SLC20A2: variants seen among roughly 807,000 people sequenced by gnomAD.
SLC20A2 encodes the protein sodium-dependent phosphate transporter 2.
SLC20A2 carries 30 observed loss-of-function variants against 61.0 expected under a neutral mutation model. The observed-to-expected ratio is 0.49, with a 90% CI of 0.37 to 0.67. The LOEUF (loss-of-function observed/expected upper bound fraction) is 0.67. Ranked by LOEUF, SLC20A2 falls within the 30% of genes least tolerant of loss-of-function variation. The pLI is 0.00. For synonymous variants in SLC20A2, 351 were observed against 353.3 expected, an observed-to-expected ratio of 0.99 and a Z score of 0.07; for missense variants, 626 against 866.4, an observed-to-expected ratio of 0.72 and a Z score of 3.48.
chr8:42,488,547 T>C (rs998926221), intron 1 of SLC20A2, among the ~76,000 whole-genome samples: 3 of 152,158 alleles, frequency 2.0e-5, no homozygotes, highest in African/African-American at 7.2e-5. Context: ...TTTCAGTCCT[T>C]TTGGATATAT....
intron 1 of SLC20A2, among the ~76,000 whole-genome samples, chr8:42,509,965 T>C (rs1446377978): frequency 6.6e-6 from 1 of 152,202 alleles, no homozygotes; most frequent in Non-Finnish European, 1.5e-5. Flanking sequence ...TGAGAAACTC[T>C]GAATGCAATA....
At chr8:42,495,844 G>C (rs762730378) in intron 1 of SLC20A2, among the ~76,000 whole-genome samples, 8 of 151,712 alleles carry the variant, frequency 5.3e-5, no homozygotes, top group African/African-American at 9.7e-5. Context: ...CCACCTCCCA[G>C]GTTCAAGCAA....
rs143890626 is a variant in SLC20A2, at chr8:42,427,793, G to A, written c.1794+965C>T. Among the ~76,000 whole-genome samples the A allele has an allele frequency of 7.2e-3, 1,093 of 152,206 alleles. 6 individuals carry two copies. Among genetic ancestry groups the A allele is most frequent in the Non-Finnish European group, 0.012 (794 of 68,012 alleles). ...GCGTTGTCTTTTAAACATACTGGCT[G>A]GAATCTTAAAATTGTGAGTAAATAG... is the stretch of plus-strand genomic sequence containing the variant. On this transcript the variant is annotated intron_variant, in intron 10 of 10. Coordinates refer to ENST00000520262, the MANE Select transcript of SLC20A2 (RefSeq NM_001257180.2).
At chr8:42,538,687 C>G (rs1048797287) in intron 1 of SLC20A2, among the ~76,000 whole-genome samples, 4 of 152,184 alleles carry the variant, frequency 2.6e-5, no homozygotes, top group Admixed American at 2.6e-4. Context: ...TTAAAGGGCA[C>G]TCCATCTGAG....
intron 2 of SLC20A2, among the ~76,000 whole-genome samples, chr8:42,469,706 G>A (rs1807473651): frequency 6.6e-6 from 1 of 152,110 alleles, no homozygotes; most frequent in Non-Finnish European, 1.5e-5. Context: ...AAGGTGGGAG[G>A]ATCACGAGGT....
At chr8:42,430,457 G>A (rs560845735) in intron 8 of SLC20A2, among the ~76,000 whole-genome samples, 6 of 152,014 alleles carry the variant, frequency 3.9e-5, no homozygotes, top group East Asian at 3.9e-4. Flanking sequence ...CCACCTCTCC[G>A]GTTCAAGCGA....
intron 1 of SLC20A2, among the ~76,000 whole-genome samples, chr8:42,532,087 A>G (rs937615485): frequency 2.0e-5 from 3 of 151,610 alleles, no homozygotes; most frequent in Non-Finnish European, 4.4e-5. Flanking sequence ...TCAGCCTCCC[A>G]AAGTGCTGGT....
intron 1 of SLC20A2, among the ~76,000 whole-genome samples, chr8:42,513,896 C>A (rs1376111850): frequency 6.6e-6 from 1 of 152,088 alleles, no homozygotes; most frequent in African/African-American, 2.4e-5. Flanking sequence ...TCAGTACAGG[C>A]AAAGGCTCAG....
At chr8:42,497,346 C>G (rs772844126) in intron 1 of SLC20A2, among the ~76,000 whole-genome samples, 3 of 152,194 alleles carry the variant, frequency 2.0e-5, no homozygotes, top group Admixed American at 6.5e-5. Flanking sequence ...CAAATGTCAA[C>G]GTGCACCAGA....
chr8:42,512,570 C>T (rs1451701209), intron 1 of SLC20A2, among the ~76,000 whole-genome samples: 3 of 152,060 alleles, frequency 2.0e-5, no homozygotes, highest in Non-Finnish European at 4.4e-5. Flanking sequence ...AGGCTGGTCT[C>T]GAACTCCTGA....
chr8:42,446,649 G>C (rs1426749858), intron 5 of SLC20A2, among the ~76,000 whole-genome samples: 1 of 152,124 alleles, frequency 6.6e-6, no homozygotes, highest in African/African-American at 2.4e-5. Flanking sequence ...ATTTATGTTT[G>C]AAAAATAAAA....
rs1391262305 is a variant in SLC20A2 at position 42,438,063 on chromosome 8, C to CAAAAAA, written c.935-492_935-487dup. Among the ~76,000 whole-genome samples, 38 of 26,832 alleles carry CAAAAAA rather than the reference C, an allele frequency of 1.4e-3. 1 individual carries two copies. Among genetic ancestry groups the CAAAAAA allele is most frequent in the Middle Eastern group, 0.045 (1 of 22 alleles). The allele number at this position is 26,832 out of a possible 152,430, so 17.6% of individuals were successfully genotyped here. A position where few individuals can be genotyped will look rare whatever the true frequency, so the allele number is the denominator to read the frequency against. On this transcript the variant is annotated intron_variant, in intron 7 of 10. Coordinates refer to ENST00000520262, the MANE Select transcript of SLC20A2 (RefSeq NM_001257180.2). Reference sequence around the variant, plus strand: ...TATGGTTACCACTAAAAAAAAAAACCAAAAAAAAAAAAAAAAAAAAAAAAA... The same window carrying CAAAAAA: ...TATGGTTACCACTAAAAAAAAAAACCAAAAAAAAAAAAAAAAAAAAAAAAAAAAAAA...
At chr8:42,505,171 C>T (rs764148938), upstream of SLC20A2, among the ~76,000 whole-genome samples, 206 of 151,426 alleles carry the variant, frequency 1.4e-3, no homozygotes, top group Non-Finnish European at 2.3e-3. Context: ...TGCAGTGACA[C>T]AATCTTGGTT....
chr8:42,450,381 C>G (rs1331848522), intron 5 of SLC20A2, among the ~76,000 whole-genome samples: 1 of 152,030 alleles, frequency 6.6e-6, no homozygotes, highest in Non-Finnish European at 1.5e-5. Context: ...GCACATGCCA[C>G]TATGCCCAGC....
chr8:42,482,098 G>A (rs868513349), intron 1 of SLC20A2, among the ~76,000 whole-genome samples: 2 of 152,252 alleles, frequency 1.3e-5, no homozygotes, highest in Middle Eastern at 3.4e-3. Context: ...GGATGATTTG[G>A]CCCGAAGAAA....
At position 42,487,784 on chromosome 8, in the gene SLC20A2, C is replaced by T. The variant is rs1342199707; in HGVS notation, c.-265+13247G>A. 2.6e-5 allele frequency among the ~76,000 whole-genome samples: 4 copies of T among 152,190 alleles called. No individual in the cohort carries two copies. The East Asian group carries it at 5.8e-4, about 22-fold the overall frequency. On this transcript the variant is annotated intron_variant, in intron 1 of 10. Transcript: ENST00000520262. ...ACCATCTTAACCATTTGAAAGTGTA[C>T]GGTTCAGTGGCGTTAGGTATATTCA...
intron 10 of SLC20A2, among the ~76,000 whole-genome samples, chr8:42,421,206 G>A (rs903168175): frequency 6.6e-6 from 1 of 151,874 alleles, no homozygotes; most frequent in Non-Finnish European, 1.5e-5. Flanking sequence ...TATTTATTTA[G>A]TTGTTTAGAG....
At chr8:42,464,413 C>A (rs958999324) in intron 3 of SLC20A2, among the ~76,000 whole-genome samples, 17 of 151,696 alleles carry the variant, frequency 1.1e-4, no homozygotes, top group South Asian at 1.0e-3. Flanking sequence ...TGAGCCACTG[C>A]GCCTGACCTG....
intron 1 of SLC20A2, among the ~76,000 whole-genome samples, chr8:42,526,487 C>T (rs1035835698): frequency 1.3e-5 from 2 of 151,948 alleles, no homozygotes; most frequent in Non-Finnish European, 2.9e-5. Context: ...TCCTGGCTAA[C>T]ACAGTGAAAC....
Sources: allele counts gnomAD v4.1 joint callset (sites outside exome capture counted in the v4.1 genomes callset), GRCh38; gene constraint gnomAD v4.1.1; transcripts MANE v1.5; gene names NCBI Gene and HGNC (gene_info 2026-07-23, HGNC 2026-07-21).